Variants in METAP1D observed in about 807,000 individuals in gnomAD.
The protein encoded by METAP1D is methionyl aminopeptidase type 1D, mitochondrial, also known as methionine aminopeptidase 1D, mitochondrial.
METAP1D carries 31 observed loss-of-function variants against 40.5 expected under a neutral mutation model. That is an observed-to-expected ratio of 0.77 (90% CI 0.58 to 1.03). The LOEUF (loss-of-function observed/expected upper bound fraction) is 1.03, where lower values mean the gene tolerates loss of function less well. METAP1D is among the 50% of genes least tolerant of loss of function. METAP1D has a pLI of 0.00. For missense variants in METAP1D, 411 were observed against 420.7 expected (o/e 0.98, Z 0.20); for synonymous variants, 151 against 146.4 (o/e 1.03, Z -0.22).
chr2:172,075,912 T>G (rs1690532017), intron 6 of METAP1D, among the ~76,000 whole-genome samples: 1 of 152,200 alleles, frequency 6.6e-6, no homozygotes, highest in Non-Finnish European at 1.5e-5. Flanking sequence ...GACACACAGA[T>G]TCTATGATAC....
chr2:172,036,113 C>G (rs188734857), intron 1 of METAP1D, among the ~76,000 whole-genome samples: 1,637 of 151,802 alleles, frequency 0.011, 17 homozygotes, highest in African/African-American at 0.021. Context: ...GTCAGGAGAT[C>G]AAGACCATCC....
chr2:172,077,884 T>C lies in METAP1D; in HGVS notation c.792T>C (p.Ile264=). The C allele has an allele frequency of 6.2e-7, 1 of 1,600,516 alleles. No homozygotes were observed. Among genetic ancestry groups the C allele is most frequent in the East Asian group, 2.2e-5 (1 of 44,746 alleles). ...IGSYFHGHPE[I]WHHANDSDLP... ...CTTACTTTCATGGACATCCAGAAAT[T>C]TGGCATCATGGTAAGAAAGTTCATT... Residue 264 remains isoleucine, a synonymous_variant, in exon 7 of 10, where the codon ATT becomes ATC. Coordinates refer to ENST00000315796, the MANE Select transcript of METAP1D (RefSeq NM_199227.3).
chr2:172,046,041 G>T (rs1689758455), intron 1 of METAP1D, among the ~76,000 whole-genome samples: 3 of 138,108 alleles, frequency 2.2e-5, no homozygotes, highest in Non-Finnish European at 3.1e-5. Flanking sequence ...GCCATGTAAT[G>T]CTTTTTATTT....
At chr2:172,034,963 A>T in intron 1 of METAP1D, among the ~76,000 whole-genome samples, 1 of 147,250 alleles carries the variant, frequency 6.8e-6, no homozygotes. Flanking sequence ...ATATAGAGAA[A>T]CCCTGATTGT....
intron 3 of METAP1D, among the ~76,000 whole-genome samples, chr2:172,064,689 A>G (rs1402326136): frequency 6.6e-6 from 1 of 151,986 alleles, no homozygotes; most frequent in African/African-American, 2.4e-5. Flanking sequence ...ACCCTTCTGT[A>G]TAAGGATTAT....
At chr2:172,016,330 T>TAA (rs1250864024) in intron 1 of METAP1D, among the ~76,000 whole-genome samples, 24 of 75,872 alleles carry the variant, frequency 3.2e-4, no homozygotes, top group Admixed American at 1.7e-3. Flanking sequence ...TATATATATA[T>TAA]AAATAGTCCA....
At chr2:172,060,720 C>A (rs1458660018) in intron 1 of METAP1D, among the ~76,000 whole-genome samples, 1 of 152,000 alleles carries the variant, frequency 6.6e-6, no homozygotes, top group African/African-American at 2.4e-5. Flanking sequence ...TTAATCAGTC[C>A]CCTACTGGTA....
intron 1 of METAP1D, among the ~76,000 whole-genome samples, chr2:172,033,080 A>AAATG (rs1257674354): frequency 1.3e-5 from 2 of 151,908 alleles, no homozygotes; most frequent in Non-Finnish European, 2.9e-5. Context: ...ATAAATAAAT[A>AAATG]AATAAAAATA....
intron 1 of METAP1D, among the ~76,000 whole-genome samples, chr2:172,030,590 C>A (rs922408569): frequency 1.3e-5 from 2 of 152,190 alleles, no homozygotes; most frequent in African/African-American, 4.8e-5. Context: ...TTTCTAAATT[C>A]AAATCCTTGA....
At chr2:172,041,325 GGT>G (rs1261705540) in intron 1 of METAP1D, among the ~76,000 whole-genome samples, 11,031 of 124,148 alleles carry the variant, frequency 0.089, 1,066 homozygotes, top group Non-Finnish European at 0.13. Context: ...TGGGCGTGGT[GGT>G]GTGCACCTAT....
At chr2:172,035,883 A>G (rs896532708) in intron 1 of METAP1D, among the ~76,000 whole-genome samples, 1 of 152,006 alleles carries the variant, frequency 6.6e-6, no homozygotes, top group African/African-American at 2.4e-5. Context: ...CTTGGGCTCA[A>G]GCAGTCCTCC....
At chr2:172,044,569 TG>T (rs1323133760) in intron 1 of METAP1D, among the ~76,000 whole-genome samples, 1 of 130,712 alleles carries the variant, frequency 7.7e-6, no homozygotes, top group African/African-American at 2.6e-5. Context: ...CACTCCAGCT[TG>T]GTGATAGAGC....
rs1463914854 is a variant in METAP1D at position 172,045,224 on chromosome 2, G to A, written c.41-16274G>A. On this transcript the variant is annotated intron_variant, in intron 1 of 9. Coordinates refer to ENST00000315796, the MANE Select transcript of METAP1D (RefSeq NM_199227.3). The stretch of plus-strand genomic sequence containing the variant: ...AAACTAAAAAGAAGTCATCACTTGT[G>A]CAACTGTACTTGTAAAAAACACATT... Among the ~76,000 whole-genome samples the A allele has an allele frequency of 2.2e-5, 3 of 133,888 alleles. 1 individual carries two copies. The highest frequency in any genetic ancestry group is 5.2e-5 in the Non-Finnish European group (3 of 57,564). The allele number at this position is 133,888 out of a possible 152,430, so 87.8% of individuals were successfully genotyped here.
intron 1 of METAP1D, among the ~76,000 whole-genome samples, chr2:172,025,318 T>C (rs1488553349): frequency 1.3e-5 from 2 of 152,124 alleles, no homozygotes; most frequent in African/African-American, 4.8e-5. Flanking sequence ...CTTTTTGTTA[T>C]GGAAAAAAAT....
At chr2:172,011,818 C>G (rs547384962) in intron 1 of METAP1D, among the ~76,000 whole-genome samples, 1 of 152,188 alleles carries the variant, frequency 6.6e-6, no homozygotes, top group East Asian at 1.9e-4. Flanking sequence ...CTTTTTAGTT[C>G]TTATGAATAA....
intron 1 of METAP1D, among the ~76,000 whole-genome samples, chr2:172,024,802 G>T (rs1015063946): frequency 1.0e-4 from 14 of 136,376 alleles, no homozygotes; most frequent in Non-Finnish European, 1.8e-4. Context: ...TAATCTTGAA[G>T]GGTCAAAAGG....
chr2:172,010,272 C>T (rs1688681641), intron 1 of METAP1D, among the ~76,000 whole-genome samples: 1 of 151,372 alleles, frequency 6.6e-6, no homozygotes, highest in Non-Finnish European at 1.5e-5. Flanking sequence ...CCCCAAGTAG[C>T]TGGGACTACA....
At chr2:172,076,964 A>T (rs1001305686) in intron 6 of METAP1D, among the ~76,000 whole-genome samples, 2 of 152,240 alleles carry the variant, frequency 1.3e-5, no homozygotes, top group African/African-American at 4.8e-5. Flanking sequence ...ACTACTTTTC[A>T]ATCTTGTAGA....
At chr2:172,010,879 C>T (rs1188024866) in intron 1 of METAP1D, among the ~76,000 whole-genome samples, 4 of 151,326 alleles carry the variant, frequency 2.6e-5, no homozygotes, top group Non-Finnish European at 4.4e-5. Flanking sequence ...CTCAGCCTCA[C>T]GAGTGGCTGG....
Sources: gnomAD v4.1 joint callset for allele counts (sites outside exome capture counted in the v4.1 genomes callset) on GRCh38, gnomAD v4.1.1 for gene constraint, MANE v1.5 for transcripts, NCBI Gene and HGNC (gene_info 2026-07-23, HGNC 2026-07-21) for gene names.